The following NET1 variants were observed in gnomAD, a reference collection of about 807,000 sequenced individuals.
NET1 encodes neuroepithelial cell-transforming gene 1 protein.
Under a neutral mutation model 61.1 loss-of-function variants are expected in NET1, and 42 were observed. The observed-to-expected ratio is 0.69, with a 90% CI of 0.54 to 0.89. The LOEUF (loss-of-function observed/expected upper bound fraction) is 0.89, where lower values mean the gene tolerates loss of function less well. Among genes scored for constraint, NET1 ranks in the 40% least tolerant of loss-of-function variants. The pLI is 0.00. For missense variants in NET1, 654 were observed against 747.3 expected (o/e 0.88, Z 1.46); for synonymous variants, 254 against 281.8 (o/e 0.90, Z 0.99).
rs764210399 is a variant in NET1 at position 5,456,870 on chromosome 10, G to C, written c.1667G>C (p.Cys556Ser). The C allele has an allele frequency of 1.2e-6, 2 of 1,614,168 alleles. No individual in the cohort carries two copies. Among genetic ancestry groups the C allele is most frequent in the East Asian group, 4.5e-5 (2 of 44,880 alleles). ...GAAGTTGATGAAAACGCTTACAGAT[G>C]TGGCTCTGGCATGCAGATGGCAGAG... Reference protein sequence around the residue: ...QVEVDENAYRCGSGMQMAEDS... With the variant: ...QVEVDENAYRSGSGMQMAEDS... The change falls in exon 12 of 12, where the codon TGT (cysteine) becomes TCT (serine). Residue 556 changes from cysteine (C) to serine (S), a missense_variant. Coordinates refer to ENST00000355029, the MANE Select transcript of NET1 (RefSeq NM_001047160.3). The surrounding 1 kb of genome is among the most constrained non-coding windows in gnomAD (Gnocchi z 7.0).
chr10:5,452,610 G>C lies in NET1; in HGVS notation c.531+85G>C. 1 of 1,389,712 alleles carries C rather than the reference G, an allele frequency of 7.2e-7. No homozygotes were observed. The highest frequency in any genetic ancestry group is 9.9e-7 in the Non-Finnish European group (1 of 1,012,508). The allele number at this position is 1,389,712 out of a possible 1,614,324, so 86.1% of individuals were successfully genotyped here. A position where few individuals can be genotyped will look rare whatever the true frequency, so the allele number is the denominator to read the frequency against. ...AAAATTAACTTGGATTTTTGTGTTT[G>C]AGCAACAATTCCTAATACATGGTGA... On this transcript the variant is annotated intron_variant, in intron 5 of 11. Transcript: ENST00000355029. The surrounding 1 kb of genome is among the most constrained non-coding windows in gnomAD (Gnocchi z 4.0).
chr10:5,432,943 G>A (rs1832372480), intron 3 of NET1, among the ~76,000 whole-genome samples: 1 of 151,940 alleles, frequency 6.6e-6, no homozygotes, highest in Admixed American at 6.6e-5. Context: ...TACCTTTTGG[G>A]CTACTATAAA....
In NET1 at chr10:5,426,969, T is replaced by G. The variant is rs750061452; in HGVS notation, c.195+248T>G. 2.0e-5 allele frequency among the ~76,000 whole-genome samples: 3 copies of G among 152,200 alleles called. No individual in the cohort carries two copies. The highest frequency in any genetic ancestry group is 4.8e-5 in the African/African-American group (2 of 41,472). ...TCTATTAATCTTTAACTCTATGCCA[T>G]CCTTTCTCTTATTCCTTTCAATGTT... On this transcript the variant is annotated intron_variant, in intron 2 of 11. Coordinates refer to ENST00000355029, the MANE Select transcript of NET1 (RefSeq NM_001047160.3). The surrounding 1 kb of genome is among the most constrained non-coding windows in gnomAD (Gnocchi z 4.6).
intron 3 of NET1, among the ~76,000 whole-genome samples, chr10:5,430,059 T>C (rs1832324260): frequency 6.6e-6 from 1 of 152,206 alleles, no homozygotes; most frequent in Non-Finnish European, 1.5e-5. Context: ...TTCTTATTTT[T>C]AGTACACAGT....
In NET1 at chr10:5,415,741, G is replaced by C. The variant is rs1429461632; in HGVS notation, c.128+2921G>C. ...GGCGTGAGCCACCGCACCTGGCCCTGTTCATTTTTAAATTTCTTTTTTATT... is the reference window on the plus strand; with the variant it reads ...GGCGTGAGCCACCGCACCTGGCCCTCTTCATTTTTAAATTTCTTTTTTATT... On this transcript the variant is annotated intron_variant, in intron 1 of 11. Transcript: ENST00000355029. The surrounding 1 kb of genome is among the most constrained non-coding windows in gnomAD (Gnocchi z 4.7). 6.6e-6 allele frequency among the ~76,000 whole-genome samples: 1 copy of C among 151,976 alleles called. No individual in the cohort carries two copies. The highest frequency in any genetic ancestry group is 1.5e-5 in the Non-Finnish European group (1 of 67,962).
intron 3 of NET1, among the ~76,000 whole-genome samples, chr10:5,436,257 T>A (rs1257078481): frequency 7.5e-4 from 85 of 113,682 alleles, no homozygotes; most frequent in East Asian, 1.7e-3. Context: ...TATTTTTTTT[T>A]TTTTTTTTTT....
Position 5,431,184 on chromosome 10 carries a change from T to C in NET1, c.255+1955T>C, listed in dbSNP as rs1832344440. Among the ~76,000 whole-genome samples the C allele has an allele frequency of 6.6e-6, 1 of 152,258 alleles. No individual in the cohort carries two copies. Among genetic ancestry groups the C allele is most frequent in the African/African-American group, 2.4e-5 (1 of 41,462 alleles). On this transcript the variant is annotated intron_variant, in intron 3 of 11. Coordinates refer to ENST00000355029, the MANE Select transcript of NET1 (RefSeq NM_001047160.3). The surrounding 1 kb of genome is among the most constrained non-coding windows in gnomAD (Gnocchi z 4.9). ...CCGCGCCCGGCCTTAACTATATCTC[T>C]TAAGTCTCTTTTAGTTCATTGGTTT...
At position 5,426,705 on chromosome 10, in the gene NET1, A is replaced by T. The variant is rs779002760; in HGVS notation, c.179A>T (p.Asn60Ile). ...SSFTFLTPGPNWDFTLKRKRR... is the reference protein window; with the variant it reads ...SSFTFLTPGPIWDFTLKRKRR... ...TTCACATTCTTAACACCTGGCCCCA[A>T]CTGGGACTTCACTTTGGTGAGTAGA... Residue 60 changes from asparagine to isoleucine, a missense_variant, in exon 2 of 12, where the codon AAC (asparagine) becomes ATC (isoleucine). Physicochemically the swap from Asn to Ile is moderately radical, Grantham distance 149 (BLOSUM62 -3). Coordinates refer to ENST00000355029, the MANE Select transcript of NET1 (RefSeq NM_001047160.3). This position sits in a 1 kb window ranked among gnomAD's most constrained non-coding sequence, Gnocchi z 4.6. 4 of 1,603,330 alleles carry T rather than the reference A, an allele frequency of 2.5e-6. No individual in the cohort carries two copies. The highest frequency in any genetic ancestry group is 2.7e-5 in the African/African-American group (2 of 74,346).
In NET1 at chr10:5,412,833, G is replaced by A; in HGVS notation, c.128+13G>A. 2 of 1,397,040 alleles carry A rather than the reference G, an allele frequency of 1.4e-6. No homozygotes were observed. Among genetic ancestry groups the A allele is most frequent in the Non-Finnish European group, 1.9e-6 (2 of 1,080,002 alleles). The allele number at this position is 1,397,040 out of a possible 1,614,324, so 86.5% of individuals were successfully genotyped here. ...AGCTGGACGGGAGGTGAGTGTGGGG[G>A]AGGGGAGGGCCGAACGGGAGGTGAG... On this transcript the variant is annotated intron_variant, in intron 1 of 11. Coordinates refer to ENST00000355029, the MANE Select transcript of NET1 (RefSeq NM_001047160.3). The surrounding 1 kb of genome is among the most constrained non-coding windows in gnomAD (Gnocchi z 6.5).
In NET1 at chr10:5,446,832, A is replaced by G. The variant is rs1213847489; in HGVS notation, c.256-4998A>G. 2 of 1,611,698 alleles carry G rather than the reference A, an allele frequency of 1.2e-6. No homozygotes were observed. Among genetic ancestry groups the G allele is most frequent in the Non-Finnish European group, 8.5e-7 (1 of 1,178,646 alleles). Reference sequence around the variant, plus strand: ...AAGGACCATACGAGTCCTAGATGTCAATAACCAGTCCTTCAGAGAACAAGA... The same window carrying G: ...AAGGACCATACGAGTCCTAGATGTCGATAACCAGTCCTTCAGAGAACAAGA... On this transcript the variant is annotated intron_variant, in intron 3 of 11. Transcript: ENST00000355029. This position sits in a 1 kb window ranked among gnomAD's most constrained non-coding sequence, Gnocchi z 5.0.
intron 3 of NET1, among the ~76,000 whole-genome samples, chr10:5,438,426 A>T (rs535510144): frequency 6.6e-6 from 1 of 152,288 alleles, no homozygotes; most frequent in South Asian, 2.1e-4. Flanking sequence ...TATTGTACAG[A>T]AATAAAAAGG....
chr10:5,416,704 C>G lies in NET1; in HGVS notation c.128+3884C>G, dbSNP rs4586052. On this transcript the variant is annotated intron_variant, in intron 1 of 11. Coordinates refer to ENST00000355029, the MANE Select transcript of NET1 (RefSeq NM_001047160.3). The surrounding 1 kb of genome is among the most constrained non-coding windows in gnomAD (Gnocchi z 6.1). ...AAATGGGAAAAGTTCCCTTTTCCCC[C>G]TCGCAGGGCGTGCACTGGAGGTGTG... 0.7 allele frequency among the ~76,000 whole-genome samples: 106,268 copies of G among 152,098 alleles called. 37,353 individuals carry two copies. Among genetic ancestry groups the G allele is most frequent in the Admixed American group, 0.75 (11,444 of 15,282 alleles).
In NET1 at chr10:5,455,736, A is replaced by G. The variant is rs1243520655; in HGVS notation, c.1198-351A>G. Among the ~76,000 whole-genome samples the G allele has an allele frequency of 6.6e-6, 1 of 152,214 alleles. No individual in the cohort carries two copies. Among genetic ancestry groups the G allele is most frequent in the Non-Finnish European group, 1.5e-5 (1 of 68,032 alleles). ...AACCATTAACATTTTACCAGCTTGCATTTTTAATCCCTCCTTCGTGTTAGA... is the reference window on the plus strand; with the variant it reads ...AACCATTAACATTTTACCAGCTTGCGTTTTTAATCCCTCCTTCGTGTTAGA... On this transcript the variant is annotated intron_variant, in intron 10 of 11. Transcript: ENST00000355029. The surrounding 1 kb of genome is among the most constrained non-coding windows in gnomAD (Gnocchi z 6.5).
rs1033402924 is a variant in NET1, at chr10:5,412,632, C to A, written c.-61C>A. On this transcript the variant is annotated 5_prime_UTR_variant, in exon 1 of 12. Transcript: ENST00000355029. This position sits in a 1 kb window ranked among gnomAD's most constrained non-coding sequence, Gnocchi z 6.5. ...CTGCCTGGCAGAGGCTGGCGGGCAT[C>A]GTGCCCGTCCCTGCCGGTCTCCCGG... The A allele has an allele frequency of 4.9e-6, 7 of 1,426,224 alleles. No individual in the cohort carries two copies. The highest frequency in any genetic ancestry group is 3.5e-5 in the Admixed American group (1 of 28,324). 88.3% of individuals were successfully genotyped at this position (1,426,224 alleles called of 1,614,324 possible). A position where few individuals can be genotyped will look rare whatever the true frequency, so the allele number is the denominator to read the frequency against.
At chr10:5,450,127 G>A (rs965265354) in intron 3 of NET1, among the ~76,000 whole-genome samples, 5 of 152,308 alleles carry the variant, frequency 3.3e-5, no homozygotes, top group Admixed American at 6.5e-5. Flanking sequence ...GAAGCACAGC[G>A]TGTGCCATCT....
At chr10:5,445,375 C>G (rs1251271494) in intron 3 of NET1, among the ~76,000 whole-genome samples, 1 of 152,210 alleles carries the variant, frequency 6.6e-6, no homozygotes, top group Non-Finnish European at 1.5e-5. Flanking sequence ...AGCTACACAC[C>G]TTAGTTTTGA....
Position 5,429,197 on chromosome 10 carries a change from G to T in NET1, c.223G>T (p.Asp75Tyr). 2 of 1,610,622 alleles carry T rather than the reference G, an allele frequency of 1.2e-6. No individual in the cohort carries two copies. The highest frequency in any genetic ancestry group is 1.7e-6 in the Non-Finnish European group (2 of 1,178,240). Residue 75 changes from aspartate (D) to tyrosine (Y), a missense_variant, in exon 3 of 12, where the codon GAT becomes TAT. Transcript: ENST00000355029. ...LKRKRREKDDDVVSLSSLDLK... is the reference protein window; with the variant it reads ...LKRKRREKDDYVVSLSSLDLK... Reference sequence around the variant, plus strand: ...AAGAAAACGCAGAGAGAAAGATGATGATGTTGTAAGCCTTAGCAGCCTTGA... The same window carrying T: ...AAGAAAACGCAGAGAGAAAGATGATTATGTTGTAAGCCTTAGCAGCCTTGA...
rs570880577 is a variant in NET1 at position 5,451,480 on chromosome 10, C to G, written c.256-350C>G. Among the ~76,000 whole-genome samples the G allele has an allele frequency of 4.8e-5, 7 of 146,250 alleles. No individual in the cohort carries two copies. The highest frequency in any genetic ancestry group is 9.0e-5 in the Non-Finnish European group (6 of 66,924). On this transcript the variant is annotated intron_variant, in intron 3 of 11. Coordinates refer to ENST00000355029, the MANE Select transcript of NET1 (RefSeq NM_001047160.3). This position sits in a 1 kb window ranked among gnomAD's most constrained non-coding sequence, Gnocchi z 6.1. ...GCCATTCTCCACTTTCATGTATGTT[C>G]GAAAATTTTCATAACAATAAGGCTT... is the stretch of plus-strand genomic sequence containing the variant.
At chr10:5,419,009 A>G (rs955243803) in intron 1 of NET1, among the ~76,000 whole-genome samples, 17 of 152,282 alleles carry the variant, frequency 1.1e-4, no homozygotes, top group African/African-American at 2.4e-4. Context: ...TGGAAAATAC[A>G]CTTTGTATTA....
Sources: gnomAD v4.1 joint callset for allele counts (sites outside exome capture counted in the v4.1 genomes callset) on GRCh38, gnomAD v4.1.1 for gene constraint, Gnocchi (gnomAD v3.1) non-coding constraint, MANE v1.5 for transcripts, NCBI Gene and HGNC (gene_info 2026-07-23, HGNC 2026-07-21) for gene names.